The following WAPL variants were observed in gnomAD, a reference collection of about 807,000 sequenced individuals.
The protein encoded by WAPL is wings apart-like protein homolog.
A neutral mutation model predicts 121.0 loss-of-function variants in WAPL; 5 were observed. The ratio of observed to expected loss-of-function variants is 0.04; its 90% CI spans 0.02 to 0.09. The LOEUF (loss-of-function observed/expected upper bound fraction) is 0.09. Ranked by LOEUF, WAPL falls within the 10% of genes least tolerant of loss-of-function variation. The pLI is 1.00. For synonymous variants in WAPL, 480 were observed against 481.5 expected, an observed-to-expected ratio of 1.00 and a Z score of 0.04; for missense variants, 999 against 1,410.8, an observed-to-expected ratio of 0.71 and a Z score of 4.68.
At chr10:86,450,493 C>T (rs1056680968) in intron 15 of WAPL, among the ~76,000 whole-genome samples, 3 of 152,162 alleles carry the variant, frequency 2.0e-5, no homozygotes, top group Non-Finnish European at 4.4e-5. Flanking sequence ...ACCTTGGCCT[C>T]CCAAAGTGCT....
At chr10:86,507,533 C>A (rs1006867561) in intron 2 of WAPL, among the ~76,000 whole-genome samples, 1 of 152,024 alleles carries the variant, frequency 6.6e-6, no homozygotes, top group Non-Finnish European at 1.5e-5. Context: ...CTCCTCCATC[C>A]CAATTTTGCT....
rs1482222325 is a variant in WAPL, at chr10:86,458,509, C to T, written c.2657+480G>A. ...GGAAAAATGCTTAGTATTTACTATA[C>T]GCCAAGTACTGTTCTAGGCTTTGCA... On this transcript the variant is annotated intron_variant, in intron 12 of 18. Coordinates refer to ENST00000298767, the MANE Select transcript of WAPL (RefSeq NM_015045.5). 2.6e-5 allele frequency among the ~76,000 whole-genome samples: 4 copies of T among 152,244 alleles called. No homozygotes were observed. In the East Asian group the frequency reaches 7.7e-4, roughly 29 times the overall value.
intron 2 of WAPL, among the ~76,000 whole-genome samples, chr10:86,516,177 T>C (rs923090524): frequency 6.6e-6 from 1 of 152,108 alleles, no homozygotes; most frequent in African/African-American, 2.4e-5. Context: ...CTTTACGCTG[T>C]TTTTTAATGG....
chr10:86,443,334 C>G lies in WAPL; in HGVS notation c.3352G>C (p.Asp1118His). 6.2e-7 allele frequency: 1 copy of G among 1,614,022 alleles called. No individual in the cohort carries two copies. The highest frequency in any genetic ancestry group is 2.2e-5 in the East Asian group (1 of 44,880). The change falls in exon 17 of 19, where the codon GAT becomes CAT. Residue 1118 changes from aspartate to histidine, a missense_variant. Asp to His is a moderately conservative substitution (Grantham distance 81, BLOSUM62 -1). Coordinates refer to ENST00000298767, the MANE Select transcript of WAPL (RefSeq NM_015045.5). Reference sequence around the variant, plus strand: ...GCTGTGTAGGAGGCCACAATGCAATCCTCCATGTGTTTGCCGGCATGCTGA... The same window carrying G: ...GCTGTGTAGGAGGCCACAATGCAATGCTCCATGTGTTTGCCGGCATGCTGA... ...ALQHAGKHMEDCIVASYTALL... is the reference protein window; with the variant it reads ...ALQHAGKHMEHCIVASYTALL...
chr10:86,470,742 CTAAGA>C (rs926962715), intron 8 of WAPL, among the ~76,000 whole-genome samples: 2 of 151,958 alleles, frequency 1.3e-5, no homozygotes, highest in African/African-American at 4.8e-5. Context: ...ACTACATTAG[CTAAGA>C]TAACAAAATA....
chr10:86,511,296 T>C (rs1842459342), intron 2 of WAPL, among the ~76,000 whole-genome samples: 1 of 152,034 alleles, frequency 6.6e-6, no homozygotes, highest in Non-Finnish European at 1.5e-5. Context: ...AAAAATCACA[T>C]CTTTAAAATT....
At chr10:86,506,992 T>C (rs1842364598) in intron 2 of WAPL, among the ~76,000 whole-genome samples, 1 of 151,514 alleles carries the variant, frequency 6.6e-6, no homozygotes, top group African/African-American at 2.4e-5. Context: ...CCTTCTTGGC[T>C]TCTCTGATTT....
chr10:86,455,773 T>C (rs1469725993), intron 12 of WAPL, among the ~76,000 whole-genome samples: 3 of 147,168 alleles, frequency 2.0e-5, no homozygotes, highest in Admixed American at 6.7e-5. Flanking sequence ...GAATAAAAGA[T>C]AGAGCGTAAA....
chr10:86,509,780 T>G (rs1229439629), intron 2 of WAPL, among the ~76,000 whole-genome samples: 1 of 151,462 alleles, frequency 6.6e-6, no homozygotes, highest in East Asian at 1.9e-4. Flanking sequence ...TTTTTTTTTT[T>G]TTGAGACAGA....
At chr10:86,506,595 C>T (rs1463184694) in intron 2 of WAPL, among the ~76,000 whole-genome samples, 1 of 152,064 alleles carries the variant, frequency 6.6e-6, no homozygotes, top group East Asian at 1.9e-4. Context: ...AGAGACCAGC[C>T]TAGGCAACAA....
intron 7 of WAPL, among the ~76,000 whole-genome samples, chr10:86,471,831 C>G (rs982349175): frequency 2.0e-5 from 3 of 152,112 alleles, no homozygotes; most frequent in Admixed American, 1.3e-4. Context: ...CATGGGGTCT[C>G]ACTATGTTGC....
chr10:86,458,246 G>C (rs750476320), intron 12 of WAPL, among the ~76,000 whole-genome samples: 13 of 152,206 alleles, frequency 8.5e-5, no homozygotes, highest in African/African-American at 2.9e-4. Flanking sequence ...CAGAGAACTA[G>C]GGCAGATATC....
At chr10:86,443,206 T>C in intron 17 of WAPL, 69 bp downstream of exon 17, 1 of 1,225,288 alleles carries the variant, frequency 8.2e-7, no homozygotes, top group Admixed American at 1.9e-5. Flanking sequence ...GTGAAACATG[T>C]AAAGGTATGA....
rs1842561494 is a variant in WAPL at position 86,516,685 on chromosome 10, A to G, written c.499+886T>C. On this transcript the variant is annotated intron_variant, in intron 2 of 18. Transcript: ENST00000298767. Reference sequence around the variant, plus strand: ...ACCTTTTTCACTTATTATAAATCTCAAATCCCTTACAGAAGACAGAACAAA... The same window carrying G: ...ACCTTTTTCACTTATTATAAATCTCGAATCCCTTACAGAAGACAGAACAAA... Among the ~76,000 whole-genome samples, 3 of 152,154 alleles carry G rather than the reference A, an allele frequency of 2.0e-5. No homozygotes were observed. The South Asian group carries it at 6.2e-4, about 32-fold the overall frequency.
chr10:86,445,539 T>TA (rs1849594347), intron 16 of WAPL, among the ~76,000 whole-genome samples: 1 of 149,228 alleles, frequency 6.7e-6, no homozygotes, highest in Non-Finnish European at 1.5e-5. Context: ...TTTTTTTTTT[T>TA]AATGAGAAAG....
At chr10:86,493,058 C>A (rs1473478367) in intron 4 of WAPL, among the ~76,000 whole-genome samples, 1 of 141,956 alleles carries the variant, frequency 7.0e-6, no homozygotes, top group Non-Finnish European at 1.5e-5. Flanking sequence ...GAGACTCCGT[C>A]TCAAAAAAAA....
chr10:86,485,725 C>T (rs776836985), intron 4 of WAPL, among the ~76,000 whole-genome samples: 6 of 82,548 alleles, frequency 7.3e-5, no homozygotes, highest in Middle Eastern at 4.9e-3. Context: ...TTAAATACTA[C>T]CTATATAAAA....
chr10:86,450,109 T>C (rs1398246742), intron 15 of WAPL, among the ~76,000 whole-genome samples: 1 of 152,220 alleles, frequency 6.6e-6, no homozygotes, highest in African/African-American at 2.4e-5. Context: ...ATGTCACCAT[T>C]TGAGGAAGTT....
Position 86,500,114 on chromosome 10 carries a change from T to C in WAPL, c.1129A>G (p.Met377Val), listed in dbSNP as rs1240668108. 6 of 1,614,182 alleles carry C rather than the reference T, an allele frequency of 3.7e-6. No homozygotes were observed. Among genetic ancestry groups the C allele is most frequent in the East Asian group, 2.2e-5 (1 of 44,882 alleles). ...SVCNVTIQDTMERSMDEFTAS... is the reference protein window; with the variant it reads ...SVCNVTIQDTVERSMDEFTAS... Reference sequence around the variant, plus strand: ...GTGAACTCATCCATGCTGCGTTCCATAGTATCCTGTATGGTAACATTACAA... The same window carrying C: ...GTGAACTCATCCATGCTGCGTTCCACAGTATCCTGTATGGTAACATTACAA... Residue 377 changes from methionine (M) to valine (V), a missense_variant, in exon 3 of 19, where the codon ATG (methionine) becomes GTG (valine). Physicochemically the swap from Met to Val is conservative, Grantham distance 21 (BLOSUM62 1). Coordinates refer to ENST00000298767, the MANE Select transcript of WAPL (RefSeq NM_015045.5).
Sources: allele counts gnomAD v4.1 joint callset (sites outside exome capture counted in the v4.1 genomes callset), GRCh38; gene constraint gnomAD v4.1.1; transcripts MANE v1.5; gene names NCBI Gene and HGNC (gene_info 2026-07-23, HGNC 2026-07-21).